CEP112: variants seen among roughly 807,000 people sequenced by gnomAD.
CEP112 encodes centrosomal protein of 112 kDa.
Under a neutral mutation model 153.0 loss-of-function variants are expected in CEP112, and 127 were observed. The observed-to-expected ratio is 0.83, with a 90% CI of 0.72 to 0.96. The LOEUF is 0.96. Among genes scored for constraint, CEP112 ranks in the 40% least tolerant of loss-of-function variants. CEP112 has a pLI of 0.00. For synonymous variants in CEP112, 358 were observed against 374.4 expected, an observed-to-expected ratio of 0.96 and a Z score of 0.51; for missense variants, 1,089 against 1,101.2, an observed-to-expected ratio of 0.99 and a Z score of 0.16.
At chr17:65,690,720 T>TCC (rs1245183525) in intron 23 of CEP112, among the ~76,000 whole-genome samples, 2 of 152,102 alleles carry the variant, frequency 1.3e-5, no homozygotes, top group Non-Finnish European at 2.9e-5. Flanking sequence ...GTGGAATGAC[T>TCC]CCGAGATGGT....
intron 20 of CEP112, among the ~76,000 whole-genome samples, chr17:65,869,424 C>T (rs2058579096): frequency 6.6e-6 from 1 of 152,120 alleles, no homozygotes; most frequent in South Asian, 2.1e-4. Context: ...GAAGAAGAGG[C>T]TTAAATTCAC....
intron 16 of CEP112, among the ~76,000 whole-genome samples, chr17:66,025,174 C>T (rs62063397): frequency 0.52 from 78,289 of 151,870 alleles, 21,088 homozygotes; most frequent in African/African-American, 0.59. Flanking sequence ...ACTTGAAACC[C>T]TACAAATACT....
At chr17:66,060,894 GA>G (rs34601457) in intron 11 of CEP112, among the ~76,000 whole-genome samples, 20 of 141,278 alleles carry the variant, frequency 1.4e-4, no homozygotes, top group Admixed American at 7.1e-4. Context: ...CAAAAGCAAG[GA>G]AAAAAAAAAA....
chr17:65,710,169 G>C (rs567568368), intron 23 of CEP112, among the ~76,000 whole-genome samples: 60 of 152,286 alleles, frequency 3.9e-4, no homozygotes, highest in African/African-American at 1.3e-3. Flanking sequence ...TCTGGTGTCA[G>C]TGCTAGGAAA....
At chr17:66,159,514 G>C (rs1324385744) in intron 4 of CEP112, among the ~76,000 whole-genome samples, 4 of 152,154 alleles carry the variant, frequency 2.6e-5, no homozygotes, top group Admixed American at 2.0e-4. Context: ...AATCAAGTTG[G>C]CTTCATCACT....
intron 24 of CEP112, chr17:65,644,369 C>A: frequency 1.8e-6 from 1 of 561,654 alleles, no homozygotes; most frequent in Non-Finnish European, 3.3e-6. Flanking sequence ...AAGTTCAAGT[C>A]TGGCATTTTC....
chr17:66,092,808 C>T (rs2068193551), intron 8 of CEP112, among the ~76,000 whole-genome samples: 1 of 151,946 alleles, frequency 6.6e-6, no homozygotes, highest in Non-Finnish European at 1.5e-5. Context: ...AAAGCATTTA[C>T]AAAATTCAAC....
At chr17:65,932,328 A>C (rs2061155473) in intron 18 of CEP112, among the ~76,000 whole-genome samples, 1 of 152,222 alleles carries the variant, frequency 6.6e-6, no homozygotes. Context: ...ACGTACAGAC[A>C]TGAAGGTAAG....
chr17:66,025,211 T>C (rs1222250242), intron 16 of CEP112, among the ~76,000 whole-genome samples: 1 of 152,112 alleles, frequency 6.6e-6, no homozygotes, highest in Non-Finnish European at 1.5e-5. Flanking sequence ...AAAACTCTTC[T>C]GGACATTGGT....
intron 6 of CEP112, among the ~76,000 whole-genome samples, chr17:66,109,931 C>T (rs953955196): frequency 1.1e-4 from 16 of 152,096 alleles, no homozygotes; most frequent in East Asian, 1.9e-4. Context: ...GAGGCTGAGG[C>T]GAGCAGATCA....
intron 21 of CEP112, among the ~76,000 whole-genome samples, chr17:65,804,173 C>T (rs944501911): frequency 5.9e-5 from 9 of 152,084 alleles, no homozygotes; most frequent in African/African-American, 2.2e-4. Flanking sequence ...TGTGTTTCGT[C>T]TGGTTTCCCT....
intron 19 of CEP112, among the ~76,000 whole-genome samples, chr17:65,916,328 G>A (rs368832361): frequency 2.0e-5 from 3 of 151,082 alleles, no homozygotes; most frequent in South Asian, 2.1e-4. Context: ...GGTAGTGGTA[G>A]TGTTTTTCTC....
Position 65,925,143 on chromosome 17 carries a change from C to T in CEP112, c.1980+2439G>A, listed in dbSNP as rs114869406. Among the ~76,000 whole-genome samples the T allele has an allele frequency of 2.4e-3, 359 of 152,260 alleles. 2 individuals carry two copies. The highest frequency in any genetic ancestry group is 8.2e-3 in the African/African-American group (342 of 41,544). ...ATTAAATCATGGGGGCAGCTTCCCCCCGTACTATACTCATGGTAGTAAATA... is the reference window on the plus strand; with the variant it reads ...ATTAAATCATGGGGGCAGCTTCCCCTCGTACTATACTCATGGTAGTAAATA... On this transcript the variant is annotated intron_variant, in intron 19 of 26. Transcript: ENST00000535342.
intron 7 of CEP112, 83 bp from the exon 8 acceptor site, chr17:66,096,411 G>A (rs1163871060): frequency 1.5e-6 from 2 of 1,334,366 alleles, no homozygotes; most frequent in Admixed American, 3.7e-5. Flanking sequence ...AATTGCCTGA[G>A]GCCCGTACCA....
At chr17:65,730,053 C>T (rs1039464354) in intron 23 of CEP112, among the ~76,000 whole-genome samples, 4 of 152,246 alleles carry the variant, frequency 2.6e-5, no homozygotes, top group Non-Finnish European at 5.9e-5. Flanking sequence ...TTTGATCACA[C>T]TCTTCCTACT....
At chr17:66,168,443 G>GTATA (rs2072083880) in intron 4 of CEP112, among the ~76,000 whole-genome samples, 2 of 145,994 alleles carry the variant, frequency 1.4e-5, no homozygotes, top group Non-Finnish European at 3.0e-5. Context: ...GTATATATAT[G>GTATA]TGTGTGTATA....
intron 21 of CEP112, among the ~76,000 whole-genome samples, chr17:65,808,377 G>A (rs1474075569): frequency 1.3e-5 from 2 of 152,098 alleles, no homozygotes; most frequent in Admixed American, 6.6e-5. Flanking sequence ...AGGTAATGCT[G>A]GAATGAGTTA....
chr17:66,144,884 A>G (rs1310089684), intron 4 of CEP112, among the ~76,000 whole-genome samples: 1 of 152,198 alleles, frequency 6.6e-6, no homozygotes, highest in African/African-American at 2.4e-5. Context: ...TTTACCAAGT[A>G]TCTAGGAATA....
At chr17:65,933,812 G>GT (rs2144303854) in intron 18 of CEP112, among the ~76,000 whole-genome samples, 1 of 152,338 alleles carries the variant, frequency 6.6e-6, no homozygotes, top group African/African-American at 2.4e-5. Context: ...CTTTAGTGCT[G>GT]TAAGTATGGT....
Sources: allele counts gnomAD v4.1 joint callset (sites outside exome capture counted in the v4.1 genomes callset), GRCh38; gene constraint gnomAD v4.1.1; transcripts MANE v1.5; gene names NCBI Gene and HGNC (gene_info 2026-07-23, HGNC 2026-07-21).